Variants in DAB1 observed in about 807,000 individuals in gnomAD.
DAB1 encodes the protein disabled homolog 1.
In DAB1, 15 loss-of-function variants were observed where a neutral mutation model predicts 64.6. That is an observed-to-expected ratio of 0.23 (90% CI 0.16 to 0.36). The LOEUF is 0.36. DAB1 is among the 10% of genes least tolerant of loss of function. DAB1 has a pLI of 1.00. For missense variants in DAB1, 596 were observed against 706.7 expected, an observed-to-expected ratio of 0.84 and a Z score of 1.78; for synonymous variants, 235 against 251.9, an observed-to-expected ratio of 0.93 and a Z score of 0.64.
At chr1:57,582,892 G>T (rs1255471868) in intron 7 of DAB1, among the ~76,000 whole-genome samples, 2 of 152,238 alleles carry the variant, frequency 1.3e-5, no homozygotes, top group Non-Finnish European at 2.9e-5. Flanking sequence ...TAAGCAGTGC[G>T]CCTATGACCC....
At chr1:57,762,259 C>T (rs895821716) in intron 6 of DAB1, among the ~76,000 whole-genome samples, 1 of 151,878 alleles carries the variant, frequency 6.6e-6, no homozygotes, top group Admixed American at 6.6e-5. Flanking sequence ...TTTAAAGAGG[C>T]CTGCGTCCCT....
chr1:57,862,968 G>T (rs1469421934), intron 1 of DAB1: 1 of 152,122 alleles, frequency 6.6e-6, no homozygotes, highest in Non-Finnish European at 1.5e-5. Flanking sequence ...CCCACATAAA[G>T]ACTTGTGCAC....
chr1:57,935,204 G>A (rs1045286130), intron 5 of DAB1, among the ~76,000 whole-genome samples: 3 of 152,178 alleles, frequency 2.0e-5, no homozygotes, highest in Non-Finnish European at 2.9e-5. Flanking sequence ...CATCTGTTCA[G>A]AAAGCAGAGG....
rs931814324 is a variant in DAB1 at position 57,640,974 on chromosome 1, A to G, written n.625+8618T>C. On this transcript the variant is annotated intron_variant and non_coding_transcript_variant, in intron 7 of 20. Transcript: ENST00000485760. ...AATTCCTATAGAAATGTCCTTTGGAAGAATCATCTTGCAGCAAATTGGACA... is the reference window on the plus strand; with the variant it reads ...AATTCCTATAGAAATGTCCTTTGGAGGAATCATCTTGCAGCAAATTGGACA... Among the ~76,000 whole-genome samples the G allele has an allele frequency of 1.8e-4, 28 of 152,334 alleles. 2 individuals carry two copies. The highest frequency in any genetic ancestry group is 6.7e-4 in the African/African-American group (28 of 41,588).
chr1:57,033,481 A>C (rs1159649524), intron 9 of DAB1: 1 of 1,612,812 alleles, frequency 6.2e-7, no homozygotes, highest in Non-Finnish European at 8.5e-7. Flanking sequence ...ATGATGAGAA[A>C]ATGACATGAA....
At chr1:57,446,572 T>C (rs536634563) in intron 7 of DAB1, among the ~76,000 whole-genome samples, 1 of 138,122 alleles carries the variant, frequency 7.2e-6, no homozygotes, top group East Asian at 2.1e-4. Context: ...CACTCCAGCC[T>C]GAGCAACAAG....
chr1:57,483,755 A>T (rs1234635080), intron 7 of DAB1, among the ~76,000 whole-genome samples: 4 of 152,094 alleles, frequency 2.6e-5, no homozygotes, highest in Non-Finnish European at 4.4e-5. Context: ...CTCCACTTCC[A>T]GGGAATGAAG....
At chr1:57,907,074 A>G (rs1644564146) in intron 5 of DAB1, among the ~76,000 whole-genome samples, 2 of 152,328 alleles carry the variant, frequency 1.3e-5, no homozygotes, top group East Asian at 3.9e-4. Flanking sequence ...CATTAATAAC[A>G]TTGTTTTATA....
At chr1:58,025,789 A>G (rs1297262335) in intron 5 of DAB1, among the ~76,000 whole-genome samples, 1 of 150,558 alleles carries the variant, frequency 6.6e-6, no homozygotes, top group African/African-American at 2.4e-5. Context: ...ATAAAATCCA[A>G]TTTCCTTAAG....
At chr1:57,893,992 T>C (rs566041718) in intron 5 of DAB1, among the ~76,000 whole-genome samples, 2 of 152,240 alleles carry the variant, frequency 1.3e-5, no homozygotes, top group East Asian at 3.9e-4. Flanking sequence ...CAACTGAGCA[T>C]GCATACAACT....
intron 4 of DAB1, among the ~76,000 whole-genome samples, chr1:57,134,913 T>C (rs1034231854): frequency 2.0e-5 from 3 of 152,172 alleles, no homozygotes; most frequent in African/African-American, 7.2e-5. Flanking sequence ...AATGACCTGG[T>C]ACTTATATTT....
chr1:58,468,599 A>T (rs1645320916), intron 3 of DAB1: 1 of 152,256 alleles, frequency 6.6e-6, no homozygotes, highest in Admixed American at 6.5e-5. Context: ...TGCATGACAA[A>T]GGAGAGGATC....
At chr1:57,757,209 T>A (rs1487132973) in intron 6 of DAB1, among the ~76,000 whole-genome samples, 2 of 141,212 alleles carry the variant, frequency 1.4e-5, no homozygotes, top group Non-Finnish European at 3.2e-5. Flanking sequence ...TTTTTTTTTT[T>A]TTTTTTTTTT....
intron 7 of DAB1, among the ~76,000 whole-genome samples, chr1:57,468,097 T>C (rs915569563): frequency 6.6e-6 from 1 of 152,216 alleles, no homozygotes; most frequent in Admixed American, 6.5e-5. Flanking sequence ...TTGATTAATG[T>C]GTCAGATTCC....
intron 3 of DAB1, among the ~76,000 whole-genome samples, chr1:58,479,869 A>T (rs1341670665): frequency 6.6e-6 from 1 of 152,186 alleles, no homozygotes; most frequent in Non-Finnish European, 1.5e-5. Flanking sequence ...AGAATAATAA[A>T]ACCTAGTAGG....
In DAB1 at chr1:57,713,505, G is replaced by A. The variant is rs1288253529; in HGVS notation, n.552-63840C>T. Among the ~76,000 whole-genome samples the A allele has an allele frequency of 2.0e-5, 3 of 152,160 alleles. No individual in the cohort carries two copies. The South Asian group carries it at 6.2e-4, about 31-fold the overall frequency. The stretch of plus-strand genomic sequence containing the variant: ...TAGAGGTACAGGCTTCAGAAAAGAG[G>A]GGAAGATGGTGGAGTGCATGGAAGG... On this transcript the variant is annotated intron_variant and non_coding_transcript_variant, in intron 6 of 20. Coordinates refer to the DAB1 transcript ENST00000485760.
At chr1:57,929,080 T>C (rs1202780) in intron 5 of DAB1, among the ~76,000 whole-genome samples, 26,878 of 152,182 alleles carry the variant, frequency 0.18, 3,144 homozygotes, top group African/African-American at 0.33. Context: ...GTTTTTGTTG[T>C]TGCAAATCCT....
At chr1:57,891,952 C>T (rs551692101) in intron 5 of DAB1, among the ~76,000 whole-genome samples, 2 of 152,118 alleles carry the variant, frequency 1.3e-5, no homozygotes, top group Non-Finnish European at 2.9e-5. Flanking sequence ...AGGTAACAAA[C>T]GTGCACGTTC....
chr1:57,004,098 G>A (rs548818856), intron 14 of DAB1, among the ~76,000 whole-genome samples: 1 of 152,294 alleles, frequency 6.6e-6, no homozygotes, highest in Admixed American at 6.5e-5. Flanking sequence ...TTTTCCGCAT[G>A]AAGAAACTGA....
Sources: allele counts gnomAD v4.1 joint callset (sites outside exome capture counted in the v4.1 genomes callset), GRCh38; gene constraint gnomAD v4.1.1; transcripts MANE v1.5; gene names NCBI Gene and HGNC (gene_info 2026-07-23, HGNC 2026-07-21).